Variants in CCDC187 observed in about 807,000 individuals in gnomAD.
CCDC187 encodes coiled-coil domain-containing protein 187.
A neutral mutation model predicts 38.0 loss-of-function variants in CCDC187; 32 were observed. The observed-to-expected ratio is 0.84, with a 90% CI of 0.64 to 1.13. CCDC187 has a LOEUF of 1.13. CCDC187 is among the 50% of genes most tolerant of loss of function. The pLI is 0.00. For missense variants in CCDC187, 707 were observed against 786.8 expected (o/e 0.90, Z 1.21); for synonymous variants, 333 against 347.9 (o/e 0.96, Z 0.48).
intron 16 of CCDC187, 30 bp from the exon 17 acceptor site, chr9:136,266,073 T>A (rs558783800): frequency 3.1e-6 from 3 of 980,708 alleles, no homozygotes; most frequent in Admixed American, 1.2e-4. Flanking sequence ...TCACTGCCAA[T>A]GTTGACAGCC....
Position 136,280,384 on chromosome 9 carries a change from G to A in CCDC187, c.3040+1167C>T, listed in dbSNP as rs1024259341. Among the ~76,000 whole-genome samples, 4 of 152,318 alleles carry A rather than the reference G, an allele frequency of 2.6e-5. No individual in the cohort carries two copies. The East Asian group carries it at 7.7e-4, about 29-fold the overall frequency. Reference sequence around the variant, plus strand: ...GGGCTGCAGAGGCTCCCACACCCTGGAGACTGGGAGAGTCTCCCAGGGGAG... The same window carrying A: ...GGGCTGCAGAGGCTCCCACACCCTGAAGACTGGGAGAGTCTCCCAGGGGAG... On this transcript the variant is annotated intron_variant, in intron 10 of 25. Transcript: ENST00000638797.
chr9:136,288,358 G>A lies in CCDC187; in HGVS notation c.2222+1601C>T, dbSNP rs942438658. On this transcript the variant is annotated intron_variant, in intron 7 of 25. Coordinates refer to ENST00000638797, the MANE Select transcript of CCDC187 (RefSeq NM_001378188.1). ...GGGTCGGGTCCTGCAGAGAGGGGTG[G>A]GAGCTGAGCTCCCAGGGGCCAGCCT... is the stretch of plus-strand genomic sequence containing the variant. 1.5e-3 allele frequency among the ~76,000 whole-genome samples: 230 copies of A among 152,312 alleles called. 1 individual carries two copies. The highest frequency in any genetic ancestry group is 5.3e-3 in the African/African-American group (220 of 41,582).
chr9:136,265,504 G>C (rs538686698), intron 17 of CCDC187: 1 of 152,418 alleles, frequency 6.6e-6, no homozygotes, highest in African/African-American at 2.4e-5. Flanking sequence ...TCCTCTGAGG[G>C]CGTACATGGC....
intron 4 of CCDC187, among the ~76,000 whole-genome samples, chr9:136,293,012 A>T (rs1418166218): frequency 1.3e-5 from 2 of 152,196 alleles, no homozygotes; most frequent in Non-Finnish European, 2.9e-5. Flanking sequence ...CACCAGCCCC[A>T]CCAGCCCCGT....
chr9:136,276,338 C>G (rs1485036644), intron 11 of CCDC187, 37 bp from the exon 12 acceptor site: 1 of 152,180 alleles, frequency 6.6e-6, no homozygotes, highest in Non-Finnish European at 1.5e-5. Context: ...TTCCTGCTGC[C>G]CCCAGCCAGG....
intron 16 of CCDC187, 86 bp downstream of exon 16, chr9:136,267,298 G>A: frequency 2.2e-6 from 2 of 923,958 alleles, no homozygotes; most frequent in Non-Finnish European, 1.3e-6. Flanking sequence ...GGACGGGGCA[G>A]GGAGGGGGCG....
rs1830689497 is a variant in CCDC187, at chr9:136,262,399, CCTCTGG to C, written c.3970_3975del (p.Pro1324_Glu1325del). ...CATGGGGTCAGGGGACACAGGGAGG[CCTCTGG>C]CTGCTGGCTTGTCTCTGAGCCTCCC... On this transcript the variant is annotated inframe_deletion, in exon 19 of 26. Coordinates refer to ENST00000638797, the MANE Select transcript of CCDC187 (RefSeq NM_001378188.1). The C allele has an allele frequency of 1.0e-6, 1 of 986,218 alleles. No individual in the cohort carries two copies. Among genetic ancestry groups the C allele is most frequent in the Non-Finnish European group, 1.2e-6 (1 of 830,644 alleles). 61.1% of individuals were successfully genotyped at this position (986,218 alleles called of 1,614,324 possible). A position where few individuals can be genotyped will look rare whatever the true frequency, so the allele number is the denominator to read the frequency against.
intron 14 of CCDC187, among the ~76,000 whole-genome samples, chr9:136,274,230 G>A (rs558114786): frequency 6.6e-6 from 1 of 152,238 alleles, no homozygotes; most frequent in African/African-American, 2.4e-5. Flanking sequence ...GAGACCCTCT[G>A]TCCCGGAGCA....
intron 19 of CCDC187, 95 bp from the exon 20 acceptor site, chr9:136,260,359 T>C: frequency 1.1e-6 from 1 of 940,656 alleles, no homozygotes; most frequent in Middle Eastern, 5.4e-4. Flanking sequence ...ACCCTCTCCC[T>C]GGGAACAACC....
chr9:136,285,547 C>T lies in CCDC187; in HGVS notation c.2893G>A (p.Ala965Thr). 2 of 402,104 alleles carry T rather than the reference C, an allele frequency of 5.0e-6. No individual in the cohort carries two copies. Among genetic ancestry groups the T allele is most frequent in the Non-Finnish European group, 8.8e-6 (2 of 227,930 alleles). The allele number at this position is 402,104 out of a possible 1,614,324, so 24.9% of individuals were successfully genotyped here. ...KPDKRLQRGVAPFQALSPSAG... is the reference protein window; with the variant it reads ...KPDKRLQRGVTPFQALSPSAG... ...GAGGGGCTGAGGGCCTGGAAGGGGGCCACGCCTCTCTGCAGCCTTTTGTCT... is the reference window on the plus strand; with the variant it reads ...GAGGGGCTGAGGGCCTGGAAGGGGGTCACGCCTCTCTGCAGCCTTTTGTCT... Residue 965 changes from alanine (A) to threonine (T), a missense_variant, in exon 9 of 26, where the codon GCC (alanine) becomes ACC (threonine). By Grantham distance (58) the Ala-to-Thr change is moderately conservative. Coordinates refer to ENST00000638797, the MANE Select transcript of CCDC187 (RefSeq NM_001378188.1).
intron 4 of CCDC187, among the ~76,000 whole-genome samples, chr9:136,293,359 ATTC>A (rs1831407339): frequency 2.4e-4 from 32 of 134,706 alleles, no homozygotes; most frequent in South Asian, 7.5e-4. Flanking sequence ...GCTCACACAC[ATTC>A]ACATGCTCAC....
At chr9:136,294,853 T>C (rs1393724046) in intron 4 of CCDC187, among the ~76,000 whole-genome samples, 2 of 152,126 alleles carry the variant, frequency 1.3e-5, no homozygotes, top group African/African-American at 4.8e-5. Context: ...ATACACTGTC[T>C]AGGACAGGAC....
At chr9:136,299,573 G>A (rs1225515160) in intron 3 of CCDC187, among the ~76,000 whole-genome samples, 2 of 152,232 alleles carry the variant, frequency 1.3e-5, no homozygotes, top group Non-Finnish European at 2.9e-5. Context: ...GCCTGCCCAA[G>A]CCCAGCTCAC....
chr9:136,302,131 A>C (rs1441893712), intron 2 of CCDC187, among the ~76,000 whole-genome samples: 2 of 151,702 alleles, frequency 1.3e-5, no homozygotes, highest in African/African-American at 4.8e-5. Flanking sequence ...AATCGCTTGA[A>C]CCCGCAATGA....
At chr9:136,271,942 G>A (rs1213210460) in intron 14 of CCDC187, among the ~76,000 whole-genome samples, 2 of 152,100 alleles carry the variant, frequency 1.3e-5, no homozygotes, top group African/African-American at 4.8e-5. Context: ...ACAAAGACAC[G>A]GTGATGTACT....
chr9:136,279,559 C>G (rs1210874457), intron 10 of CCDC187, among the ~76,000 whole-genome samples: 5 of 152,234 alleles, frequency 3.3e-5, no homozygotes, highest in African/African-American at 1.2e-4. Flanking sequence ...ACGTGGCTGT[C>G]CTGCAGCCAT....
At chr9:136,305,885 G>T (rs1464334382), upstream of CCDC187, among the ~76,000 whole-genome samples, 2 of 152,168 alleles carry the variant, frequency 1.3e-5, no homozygotes, top group South Asian at 2.1e-4. Flanking sequence ...TGCCTCCCTG[G>T]CCTGGTCACC....
rs1276545533 is a variant in CCDC187, at chr9:136,267,409, G to T, written c.3622C>A (p.Leu1208Met). Reference sequence around the variant, plus strand: ...CCTCGTCGATGCTCCAGCCAGGCCAGCTCCGCGAGCGTTTTCTCCTGGAGC... The same window carrying T: ...CCTCGTCGATGCTCCAGCCAGGCCATCTCCGCGAGCGTTTTCTCCTGGAGC... Reference protein sequence around the residue: ...MALQEKTLAELAWLEHRRGCL... With the variant: ...MALQEKTLAEMAWLEHRRGCL... The change falls in exon 16 of 26, where the codon CTG becomes ATG. Residue 1208 changes from leucine (L) to methionine (M), a missense_variant. Physicochemically the swap from Leu to Met is conservative, Grantham distance 15. Coordinates refer to ENST00000638797, the MANE Select transcript of CCDC187 (RefSeq NM_001378188.1). The T allele has an allele frequency of 1.2e-5, 12 of 985,428 alleles. No individual in the cohort carries two copies. The highest frequency in any genetic ancestry group is 1.4e-5 in the Non-Finnish European group (12 of 830,024). 61.0% of individuals were successfully genotyped at this position (985,428 alleles called of 1,614,324 possible).
rs1831187942 is a variant in CCDC187, at chr9:136,286,605, G to A, written c.2313C>T (p.Pro771=). ...GAGAGGGTGAAGCTGACAGCAGCACGGGGGCATCCCGGCCATCTTGGGGGC... is the reference window on the plus strand; with the variant it reads ...GAGAGGGTGAAGCTGACAGCAGCACAGGGGCATCCCGGCCATCTTGGGGGC... ...MGGPQDGRDA[P]VLLSASPSLG... The change falls in exon 8 of 26, where the codon CCC becomes CCT. Residue 771 remains proline, a synonymous_variant. Coordinates refer to ENST00000638797, the MANE Select transcript of CCDC187 (RefSeq NM_001378188.1). 4.0e-5 allele frequency: 16 copies of A among 398,636 alleles called. No individual in the cohort carries two copies. The highest frequency in any genetic ancestry group is 1.3e-4 in the South Asian group (1 of 7,860). The allele number at this position is 398,636 out of a possible 1,614,324, so 24.7% of individuals were successfully genotyped here.
Sources: gnomAD v4.1 joint callset for allele counts (sites outside exome capture counted in the v4.1 genomes callset) on GRCh38, gnomAD v4.1.1 for gene constraint, MANE v1.5 for transcripts, NCBI Gene and HGNC (gene_info 2026-07-23, HGNC 2026-07-21) for gene names.